The following FAM240B variants were observed in gnomAD, a reference collection of about 807,000 sequenced individuals.
The protein encoded by FAM240B is family with sequence similarity 240 member B.
chr9:38,714,406 C>T (rs1564001989), intron 1 of FAM240B, among the ~76,000 whole-genome samples: 1 of 152,184 alleles, frequency 6.6e-6, no homozygotes, highest in Non-Finnish European at 1.5e-5. Flanking sequence ...TTAATAATTA[C>T]TGTGGTGGTT....
At chr9:38,700,364 A>G (rs10758517) in intron 2 of FAM240B, among the ~76,000 whole-genome samples, 33,705 of 151,964 alleles carry the variant, frequency 0.22, 3,829 homozygotes, top group South Asian at 0.36. Flanking sequence ...GGCTTGATGC[A>G]CCCCCAGATT....
At chr9:38,713,239 G>A (rs534676813) in intron 1 of FAM240B, among the ~76,000 whole-genome samples, 10 of 152,260 alleles carry the variant, frequency 6.6e-5, no homozygotes, top group Non-Finnish European at 1.0e-4. Context: ...AGCACTTTGG[G>A]AGGCTAAGGC....
At chr9:38,695,299 G>A (rs1446987791) in intron 2 of FAM240B, among the ~76,000 whole-genome samples, 2 of 152,140 alleles carry the variant, frequency 1.3e-5, no homozygotes, top group Non-Finnish European at 2.9e-5. Flanking sequence ...CGGGCGGATC[G>A]CGCACGAGGT....
chr9:38,694,885 C>A lies in FAM240B; in HGVS notation c.144-16G>T, dbSNP rs985073504. The A allele has an allele frequency of 1.0e-5, 4 of 398,534 alleles. No individual in the cohort carries two copies. The highest frequency in any genetic ancestry group is 6.2e-5 in the African/African-American group (3 of 48,628). The allele number at this position is 398,534 out of a possible 1,614,324, so 24.7% of individuals were successfully genotyped here. ...TTCTCTGAGTCTGCGGAGGGGAAAC[C>A]GTGCACATGCTCAGTGCATTTGTCT... is the stretch of plus-strand genomic sequence containing the variant. On this transcript the variant is annotated splice_polypyrimidine_tract_variant and intron_variant, in intron 2 of 2. Coordinates refer to ENST00000637493, the MANE Select transcript of FAM240B (RefSeq NM_001394922.1).
chr9:38,706,108 T>C (rs1821188050), intron 1 of FAM240B, among the ~76,000 whole-genome samples: 1 of 152,208 alleles, frequency 6.6e-6, no homozygotes, highest in African/African-American at 2.4e-5. Context: ...TATTAAACAT[T>C]TAAAAATAAT....
At chr9:38,713,477 CAAACAAAAA>C (rs1821277478) in intron 1 of FAM240B, among the ~76,000 whole-genome samples, 1 of 13,966 alleles carries the variant, frequency 7.2e-5, no homozygotes, top group African/African-American at 1.7e-4. Flanking sequence ...GACTCCGTTT[CAAACAAAAA>C]AAAAAAAAAA....
intron 2 of FAM240B, among the ~76,000 whole-genome samples, chr9:38,700,024 C>G (rs1214685232): frequency 2.6e-5 from 4 of 152,182 alleles, no homozygotes; most frequent in Non-Finnish European, 4.4e-5. Context: ...TTCCCTGTGG[C>G]CTGCAGCTCA....
chr9:38,707,789 G>C (rs1325887870), intron 1 of FAM240B, among the ~76,000 whole-genome samples: 1 of 102,788 alleles, frequency 9.7e-6, no homozygotes, highest in Non-Finnish European at 2.1e-5. Context: ...GCAAGACTCG[G>C]TCTCAAAAAA....
chr9:38,700,546 C>T (rs1821113759), intron 2 of FAM240B, among the ~76,000 whole-genome samples: 1 of 152,202 alleles, frequency 6.6e-6, no homozygotes, highest in Non-Finnish European at 1.5e-5. Context: ...AACTGAGATA[C>T]TTTTGAAAAT....
intron 2 of FAM240B, among the ~76,000 whole-genome samples, chr9:38,697,217 C>A (rs1302078712): frequency 1.3e-5 from 2 of 152,236 alleles, no homozygotes; most frequent in African/African-American, 4.8e-5. Flanking sequence ...GCAAAGTTGA[C>A]TGGTGGCTGC....
intron 1 of FAM240B, among the ~76,000 whole-genome samples, chr9:38,710,052 C>T (rs1202845808): frequency 1.3e-5 from 2 of 152,162 alleles, no homozygotes; most frequent in African/African-American, 4.8e-5. Context: ...TCACTGCAAC[C>T]TCCGCCTCCC....
At chr9:38,713,060 A>G (rs188039801) in intron 1 of FAM240B, among the ~76,000 whole-genome samples, 2 of 152,324 alleles carry the variant, frequency 1.3e-5, no homozygotes, top group African/African-American at 4.8e-5. Context: ...CAATCCTGCC[A>G]GGTTGTGAGT....
intron 2 of FAM240B, among the ~76,000 whole-genome samples, chr9:38,699,727 C>T (rs1821104196): frequency 1.3e-5 from 2 of 152,328 alleles, no homozygotes; most frequent in African/African-American, 2.4e-5. Context: ...GTCAACTATG[C>T]TCCCAAAGCA....
intron 1 of FAM240B, among the ~76,000 whole-genome samples, chr9:38,705,133 C>A (rs1216987930): frequency 6.6e-6 from 1 of 152,232 alleles, no homozygotes; most frequent in African/African-American, 2.4e-5. Context: ...TCCCTCCCTG[C>A]CTGCTGGCAG....
intron 1 of FAM240B, among the ~76,000 whole-genome samples, chr9:38,718,819 TC>T (rs1321675904): frequency 1.3e-5 from 2 of 152,212 alleles, no homozygotes; most frequent in African/African-American, 4.8e-5. Flanking sequence ...AATTTGTTTC[TC>T]CTATTTGCTT....
intron 1 of FAM240B, among the ~76,000 whole-genome samples, chr9:38,717,519 T>C (rs377532198): frequency 1.8e-4 from 28 of 152,350 alleles, no homozygotes; most frequent in East Asian, 1.5e-3. Context: ...CTCGCTCTGT[T>C]GCCCAGGCTG....
rs1013005712 is a variant in FAM240B, at chr9:38,694,275, T to C, written c.*501A>G. On this transcript the variant is annotated 3_prime_UTR_variant, in exon 3 of 3. Coordinates refer to ENST00000637493, the MANE Select transcript of FAM240B (RefSeq NM_001394922.1). ...AAGCCATATTGTTAAATTCTTTTTATAATAATAGCTTTATTTCTGCAAGCA... is the reference window on the plus strand; with the variant it reads ...AAGCCATATTGTTAAATTCTTTTTACAATAATAGCTTTATTTCTGCAAGCA... 1 of 152,400 alleles carries C rather than the reference T, an allele frequency of 6.6e-6. No individual in the cohort carries two copies. Among genetic ancestry groups the C allele is most frequent in the Non-Finnish European group, 1.5e-5 (1 of 68,160 alleles). 9.4% of individuals were successfully genotyped at this position (152,400 alleles called of 1,614,324 possible). A position where few individuals can be genotyped will look rare whatever the true frequency, so the allele number is the denominator to read the frequency against.
chr9:38,714,023 A>G (rs1268809389), intron 1 of FAM240B, among the ~76,000 whole-genome samples: 2 of 152,148 alleles, frequency 1.3e-5, no homozygotes, highest in Non-Finnish European at 2.9e-5. Context: ...GTAGTGTCAC[A>G]AAGTAACAGA....
intron 1 of FAM240B, among the ~76,000 whole-genome samples, chr9:38,705,722 G>C (rs1821183833): frequency 6.6e-6 from 1 of 152,112 alleles, no homozygotes. Flanking sequence ...CTCATCAGAG[G>C]GGCAGCAGGA....
Sources: allele counts gnomAD v4.1 joint callset (sites outside exome capture counted in the v4.1 genomes callset), GRCh38; gene constraint gnomAD v4.1.1; transcripts MANE v1.5; gene names NCBI Gene and HGNC (gene_info 2026-07-23, HGNC 2026-07-21).